Variants in ITPK1 observed in about 807,000 individuals in gnomAD.
ITPK1 encodes inositol-tetrakisphosphate 1-kinase.
ITPK1 carries 21 observed loss-of-function variants against 45.3 expected under a neutral mutation model. That is an observed-to-expected ratio of 0.46 (90% CI 0.33 to 0.67). ITPK1 has a LOEUF of 0.67. ITPK1 is among the 30% of genes least tolerant of loss of function. The pLI is 0.02. For missense variants in ITPK1, 474 were observed against 573.5 expected, an observed-to-expected ratio of 0.83 and a Z score of 1.77; for synonymous variants, 258 against 253.6, an observed-to-expected ratio of 1.02 and a Z score of -0.16.
Position 93,001,008 on chromosome 14 carries a change from G to C in ITPK1, c.247-7011C>G, listed in dbSNP as rs191290872. ...AAAAAAAAAAAAAAAGGCTGGGCAC[G>C]GTGGCTCACGCCTGTAATCCCACCA... On this transcript the variant is annotated intron_variant, in intron 4 of 10. Transcript: ENST00000267615. Among the ~76,000 whole-genome samples the C allele has an allele frequency of 4.7e-5, 7 of 148,908 alleles. No homozygotes were observed. The East Asian group carries it at 1.4e-3, about 29-fold the overall frequency.
chr14:93,016,704 T>C lies in ITPK1; in HGVS notation c.218A>G (p.Gln73Arg). The change falls in exon 4 of 11, where the codon CAG (glutamine) becomes CGG (arginine). Residue 73 changes from glutamine (Q) to arginine (R), a missense_variant. This residue lies in a region of ITPK1 where 367 missense variants were observed against 480.6 expected (regional missense o/e 0.76). Transcript: ENST00000267615. The surrounding 1 kb of genome is among the most constrained non-coding windows in gnomAD (Gnocchi z 5.0). Reference protein sequence around the residue: ...VILEADQNDSQSLELVHRFQE... With the variant: ...VILEADQNDSRSLELVHRFQE... Reference sequence around the variant, plus strand: ...GAACCTGTGCACCAGCTCCAGGGACTGGCTATCATTCTGGTCGGCTTCAAG... The same window carrying C: ...GAACCTGTGCACCAGCTCCAGGGACCGGCTATCATTCTGGTCGGCTTCAAG... The C allele has an allele frequency of 1.9e-6, 3 of 1,614,160 alleles. No homozygotes were observed. The highest frequency in any genetic ancestry group is 4.5e-5 in the East Asian group (2 of 44,894).
chr14:93,084,372 T>A (rs1891568708), intron 2 of ITPK1, among the ~76,000 whole-genome samples: 1 of 152,132 alleles, frequency 6.6e-6, no homozygotes, highest in Non-Finnish European at 1.5e-5. Flanking sequence ...GCTACTAGAA[T>A]CCAGTGAGGA....
At chr14:93,044,739 G>T (rs183440237) in intron 3 of ITPK1, among the ~76,000 whole-genome samples, 8 of 152,370 alleles carry the variant, frequency 5.3e-5, no homozygotes, top group African/African-American at 1.9e-4. Context: ...GAAGGGTGTG[G>T]CCTCTGTCTA....
At chr14:93,110,272 G>A (rs1298228246) in intron 2 of ITPK1, among the ~76,000 whole-genome samples, 1 of 152,110 alleles carries the variant, frequency 6.6e-6, no homozygotes, top group Non-Finnish European at 1.5e-5. Flanking sequence ...AATACTCCCT[G>A]TGCACTGCTG....
At chr14:93,088,016 A>G (rs1891715325) in intron 2 of ITPK1, among the ~76,000 whole-genome samples, 1 of 152,250 alleles carries the variant, frequency 6.6e-6, no homozygotes, top group South Asian at 2.1e-4. Context: ...ACTTGGGCTC[A>G]TCCTGAGGTC....
At chr14:93,099,628 A>G (rs1892231766) in intron 2 of ITPK1, among the ~76,000 whole-genome samples, 1 of 152,158 alleles carries the variant, frequency 6.6e-6, no homozygotes, top group Non-Finnish European at 1.5e-5. Context: ...CCGTGGGAAT[A>G]AGCCAGATTC....
chr14:93,073,340 G>A (rs1213553900), intron 3 of ITPK1, among the ~76,000 whole-genome samples: 1 of 152,186 alleles, frequency 6.6e-6, no homozygotes, highest in African/African-American at 2.4e-5. Context: ...GGGTGGCAGG[G>A]AAGAAGGGCT....
At chr14:93,105,179 A>G (rs565981926) in intron 2 of ITPK1, among the ~76,000 whole-genome samples, 46 of 152,120 alleles carry the variant, frequency 3.0e-4, no homozygotes, top group Non-Finnish European at 5.3e-4. Context: ...CCTCAGGTGA[A>G]CGGTGCCAGA....
At chr14:93,067,908 T>A (rs1890825801) in intron 3 of ITPK1, 2 of 153,006 alleles carry the variant, frequency 1.3e-5, no homozygotes, top group Admixed American at 1.3e-4. Flanking sequence ...GCATTTCAAA[T>A]TTTTTAAAAA....
At chr14:92,972,238 A>C (rs531488519) in intron 5 of ITPK1, among the ~76,000 whole-genome samples, 1 of 152,270 alleles carries the variant, frequency 6.6e-6, no homozygotes, top group African/African-American at 2.4e-5. Flanking sequence ...GCTGTTTCCA[A>C]GTTGATATTG....
At chr14:92,960,911 C>T (rs74074535) in intron 7 of ITPK1, among the ~76,000 whole-genome samples, 3 of 152,346 alleles carry the variant, frequency 2.0e-5, no homozygotes, top group African/African-American at 7.2e-5. Context: ...AGGAAGACTA[C>T]GTGAGGGCTC....
chr14:93,062,394 C>T (rs752021112), intron 3 of ITPK1, among the ~76,000 whole-genome samples: 1 of 152,018 alleles, frequency 6.6e-6, no homozygotes, highest in Non-Finnish European at 1.5e-5. Context: ...CGCACCACTA[C>T]ACTCCAGCCT....
At position 92,946,448 on chromosome 14, in the gene ITPK1, T is replaced by C; in HGVS notation, c.784A>G (p.Ile262Val). Reference sequence around the variant, plus strand: ...CGCAGGGCCCGGGAGAGCTCCCGGATGACCTCGTCGCTCGGCCGCTCGAAC... The same window carrying C: ...CGCAGGGCCCGGGAGAGCTCCCGGACGACCTCGTCGCTCGGCCGCTCGAAC... ...GVFERPSDEV[I>V]RELSRALRQA... Residue 262 changes from isoleucine (I) to valine (V), a missense_variant, in exon 10 of 11, where the codon ATC (isoleucine) becomes GTC (valine). Around this residue, in one of 2 missense-constraint regions of ITPK1, gnomAD observed 367 missense variants for 480.6 expected, o/e 0.76. Coordinates refer to ENST00000267615, the MANE Select transcript of ITPK1 (RefSeq NM_014216.6). The C allele has an allele frequency of 6.2e-7, 1 of 1,613,084 alleles. No homozygotes were observed. Among genetic ancestry groups the C allele is most frequent in the Non-Finnish European group, 8.5e-7 (1 of 1,179,946 alleles).
At chr14:92,967,328 G>A (rs1885424841) in intron 5 of ITPK1, among the ~76,000 whole-genome samples, 1 of 152,184 alleles carries the variant, frequency 6.6e-6, no homozygotes, top group Admixed American at 6.5e-5. Context: ...CACCTTATTA[G>A]CCATCGGGGA....
rs1888096891 is a variant in ITPK1 at position 93,014,905 on chromosome 14, C to T, written c.246+1771G>A. ...TCAGGCATCTGGAAGGCCATCGTCCCCCAGATGGACTCAGCAAGAGATGCA... is the reference window on the plus strand; with the variant it reads ...TCAGGCATCTGGAAGGCCATCGTCCTCCAGATGGACTCAGCAAGAGATGCA... On this transcript the variant is annotated intron_variant, in intron 4 of 10. Coordinates refer to ENST00000267615, the MANE Select transcript of ITPK1 (RefSeq NM_014216.6). This position sits in a 1 kb window ranked among gnomAD's most constrained non-coding sequence, Gnocchi z 4.4. 6.6e-6 allele frequency among the ~76,000 whole-genome samples: 1 copy of T among 152,220 alleles called. No homozygotes were observed. The highest frequency in any genetic ancestry group is 1.5e-5 in the Non-Finnish European group (1 of 68,048).
intron 3 of ITPK1, among the ~76,000 whole-genome samples, chr14:93,041,700 G>C (rs1467623210): frequency 6.6e-6 from 1 of 152,186 alleles, no homozygotes; most frequent in African/African-American, 2.4e-5. Flanking sequence ...CATGACGAAT[G>C]CTCCCTGTCC....
intron 5 of ITPK1, among the ~76,000 whole-genome samples, chr14:92,991,172 C>T (rs572983198): frequency 4.6e-5 from 7 of 152,302 alleles, no homozygotes; most frequent in African/African-American, 1.4e-4. Context: ...CTGAGTGCCT[C>T]CAGGAACAGC....
chr14:93,002,261 A>G (rs996489854), intron 4 of ITPK1, among the ~76,000 whole-genome samples: 3 of 152,152 alleles, frequency 2.0e-5, no homozygotes, highest in Admixed American at 2.0e-4. Context: ...GAATCACTTG[A>G]GCCAGGAAGG....
At chr14:93,002,127 G>A (rs940337254) in intron 4 of ITPK1, among the ~76,000 whole-genome samples, 1 of 152,178 alleles carries the variant, frequency 6.6e-6, no homozygotes, top group African/African-American at 2.4e-5. Context: ...GCCAAGGCAA[G>A]TGGACTGCTT....
Sources: gnomAD v4.1 joint callset for allele counts (sites outside exome capture counted in the v4.1 genomes callset) on GRCh38, gnomAD v4.1.1 for gene constraint, gnomAD v4.1.1 regional missense constraint, Gnocchi (gnomAD v3.1) non-coding constraint, MANE v1.5 for transcripts, NCBI Gene and HGNC (gene_info 2026-07-23, HGNC 2026-07-21) for gene names.